Variants in LGI1 observed in about 807,000 individuals in gnomAD.
LGI1 encodes the protein leucine-rich glioma-inactivated protein 1.
LGI1 carries 11 observed loss-of-function variants against 57.7 expected under a neutral mutation model. The observed-to-expected ratio is 0.19, with a 90% CI of 0.12 to 0.32. The LOEUF is 0.32. Among genes scored for constraint, LGI1 ranks in the 10% least tolerant of loss-of-function variants. LGI1 has a pLI of 1.00. For synonymous variants in LGI1, 222 were observed against 241.9 expected (o/e 0.92, Z 0.76); for missense variants, 422 against 661.9 (o/e 0.64, Z 3.98).
At chr10:93,783,085 A>G (rs772702717) in intron 4 of LGI1, 1 of 152,280 alleles carries the variant, frequency 6.6e-6, no homozygotes. Flanking sequence ...GTTGTTTTAA[A>G]GAATGTTTCT....
At position 93,758,254 on chromosome 10, in the gene LGI1, C is replaced by A; in HGVS notation, c.110C>A (p.Pro37Gln). The A allele has an allele frequency of 1.2e-6, 2 of 1,614,158 alleles. No individual in the cohort carries two copies. Among genetic ancestry groups the A allele is most frequent in the Non-Finnish European group, 1.7e-6 (2 of 1,180,020 alleles). Residue 37 changes from proline (P) to glutamine (Q), a missense_variant, in exon 1 of 8, where the codon CCA (proline) becomes CAA (glutamine). This residue lies in a region of LGI1 where 58 missense variants were observed against 61.8 expected (regional missense o/e 0.94). Transcript: ENST00000371418. This position sits in a 1 kb window ranked among gnomAD's most constrained non-coding sequence, Gnocchi z 4.7. Reference protein sequence around the residue: ...SALLLTEGKKPAKPKCPAVCT... With the variant: ...SALLLTEGKKQAKPKCPAVCT... ...CTTTTGCTGACTGAGGGGAAGAAAC[C>A]AGCGAAGCCAAAATGCCCTGCCGTG...
At chr10:93,792,345 A>C (rs2059943867) in intron 5 of LGI1, 1 of 190,714 alleles carries the variant, frequency 5.2e-6, no homozygotes, top group African/African-American at 2.3e-5. Context: ...ATGTGTCAAA[A>C]TGATAATCTT....
chr10:93,778,371 AC>A (rs2059813814), intron 4 of LGI1, among the ~76,000 whole-genome samples: 1 of 149,998 alleles, frequency 6.7e-6, no homozygotes, highest in Non-Finnish European at 1.5e-5. Flanking sequence ...ACACACACAC[AC>A]ACACACACAC....
chr10:93,766,919 GC>G (rs2059686355), intron 2 of LGI1: 1 of 152,046 alleles, frequency 6.6e-6, no homozygotes, highest in Non-Finnish European at 1.5e-5. Flanking sequence ...TCAATGTCAC[GC>G]CCCTATTAAG....
intron 4 of LGI1, among the ~76,000 whole-genome samples, chr10:93,783,572 A>T (rs1250219280): frequency 6.6e-6 from 1 of 152,122 alleles, no homozygotes; most frequent in Admixed American, 6.5e-5. Context: ...TGGGGACTGC[A>T]CTAGTCACTC....
At chr10:93,769,836 G>C (rs576330856) in intron 2 of LGI1, 1 of 152,180 alleles carries the variant, frequency 6.6e-6, no homozygotes, top group African/African-American at 2.4e-5. Flanking sequence ...GAGCCTCCTA[G>C]ATCATCTCCC....
intron 5 of LGI1, chr10:93,792,265 T>C (rs1135235): frequency 0.86 from 141,162 of 163,222 alleles, 64,530 homozygotes; most frequent in East Asian, 1. Context: ...AGGTATAAAA[T>C]ACACACTGGA....
chr10:93,758,472 A>G lies in LGI1; in HGVS notation c.215+113A>G. 2 of 1,097,376 alleles carry G rather than the reference A, an allele frequency of 1.8e-6. No homozygotes were observed. The highest frequency in any genetic ancestry group is 1.7e-5 in the Admixed American group (1 of 57,564). The allele number at this position is 1,097,376 out of a possible 1,614,324, so 68.0% of individuals were successfully genotyped here. A position where few individuals can be genotyped will look rare whatever the true frequency, so the allele number is the denominator to read the frequency against. ...GCATGGAGAGAGAGATTCCTCTTGC[A>G]TGCTTGGCCATTTGACAGTGCTAAC... On this transcript the variant is annotated intron_variant, in intron 1 of 7. Coordinates refer to ENST00000371418, the MANE Select transcript of LGI1 (RefSeq NM_005097.4). The surrounding 1 kb of genome is among the most constrained non-coding windows in gnomAD (Gnocchi z 4.7).
chr10:93,779,319 T>G (rs2059824232), intron 4 of LGI1, among the ~76,000 whole-genome samples: 1 of 150,544 alleles, frequency 6.6e-6, no homozygotes, highest in South Asian at 2.1e-4. Flanking sequence ...CCTAAAAGCC[T>G]GTGGTTTCTC....
At chr10:93,791,631 A>T (rs200474487) in intron 5 of LGI1, 2 of 152,176 alleles carry the variant, frequency 1.3e-5, no homozygotes, top group East Asian at 3.8e-4. Flanking sequence ...TTTAAAAATT[A>T]TTTATGTGTG....
chr10:93,776,430 CAAAT>C (rs1248764399), intron 2 of LGI1, among the ~76,000 whole-genome samples: 1 of 152,102 alleles, frequency 6.6e-6, no homozygotes, highest in Non-Finnish European at 1.5e-5. Flanking sequence ...TCCCAGATGA[CAAAT>C]AAATTACTCA....
intron 2 of LGI1, among the ~76,000 whole-genome samples, chr10:93,762,101 C>T (rs893965514): frequency 6.6e-5 from 10 of 152,136 alleles, no homozygotes; most frequent in Non-Finnish European, 1.3e-4. Context: ...CTGTAATTCC[C>T]GAGAGTGTTC....
intron 4 of LGI1, 131 bp from the exon 5 acceptor site, chr10:93,789,967 GA>G (rs200725559): frequency 2.1e-4 from 175 of 843,256 alleles, no homozygotes; most frequent in East Asian, 7.6e-4. Flanking sequence ...TAGTTCAGAA[GA>G]AAAAAAAAGG....
intron 2 of LGI1, chr10:93,759,230 G>A (rs1356491828): frequency 4.2e-6 from 1 of 239,730 alleles, no homozygotes; most frequent in Non-Finnish European, 8.2e-6. Flanking sequence ...GGGGATCTGG[G>A]GCAGGCTGCT....
chr10:93,769,617 C>T (rs1232324760), intron 2 of LGI1: 2 of 152,222 alleles, frequency 1.3e-5, no homozygotes, highest in African/African-American at 2.4e-5. Context: ...AGTCTTTTTG[C>T]ATCCTCAATC....
intron 4 of LGI1, among the ~76,000 whole-genome samples, chr10:93,783,248 C>CTT (rs1564847407): frequency 2.0e-5 from 3 of 151,998 alleles, no homozygotes; most frequent in Admixed American, 6.5e-5. Flanking sequence ...TGGTGGCGGG[C>CTT]GCCTGTAGTC....
rs182654305 is a variant in LGI1 at position 93,798,141 on chromosome 10, G to A, written c.*338G>A. On this transcript the variant is annotated 3_prime_UTR_variant, in exon 8 of 8. Coordinates refer to ENST00000371418, the MANE Select transcript of LGI1 (RefSeq NM_005097.4). ...TACAGAAACAACTGCCAAATAAAAT[G>A]TTTACATTTTCTTTCATATCCCAGA... 4 of 270,566 alleles carry A rather than the reference G, an allele frequency of 1.5e-5. No individual in the cohort carries two copies. The East Asian group carries it at 3.5e-4, about 24-fold the overall frequency. 16.8% of individuals were successfully genotyped at this position (270,566 alleles called of 1,614,324 possible).
At chr10:93,783,233 G>T (rs375722857) in intron 4 of LGI1, among the ~76,000 whole-genome samples, 89 of 152,176 alleles carry the variant, frequency 5.8e-4, no homozygotes, top group African/African-American at 2.1e-3. Flanking sequence ...AAAATTAGCT[G>T]GGCGTGGTGG....
At chr10:93,784,127 A>G (rs1031506072) in intron 4 of LGI1, among the ~76,000 whole-genome samples, 1 of 152,212 alleles carries the variant, frequency 6.6e-6, no homozygotes, top group Non-Finnish European at 1.5e-5. Context: ...TACTCATTGC[A>G]GAATTATCCT....
Sources: gnomAD v4.1 joint callset for allele counts (sites outside exome capture counted in the v4.1 genomes callset) on GRCh38, gnomAD v4.1.1 for gene constraint, gnomAD v4.1.1 regional missense constraint, Gnocchi (gnomAD v3.1) non-coding constraint, MANE v1.5 for transcripts, NCBI Gene and HGNC (gene_info 2026-07-23, HGNC 2026-07-21) for gene names.